The following CBX1 variants were observed in gnomAD, a reference collection of about 807,000 sequenced individuals.
CBX1 encodes the protein chromobox protein homolog 1.
In CBX1, 10 loss-of-function variants were observed where a neutral mutation model predicts 25.1. That is an observed-to-expected ratio of 0.40 (90% CI 0.25 to 0.68). The LOEUF is 0.68. Among genes scored for constraint, CBX1 ranks in the 30% least tolerant of loss-of-function variants. The probability of loss-of-function intolerance (pLI) is 0.40; values close to 1 mark genes in which losing one functional copy is unlikely to be tolerated. For synonymous variants in CBX1, 63 were observed against 79.4 expected, an observed-to-expected ratio of 0.79 and a Z score of 1.10; for missense variants, 106 against 218.5, an observed-to-expected ratio of 0.49 and a Z score of 3.25.
Position 48,077,109 on chromosome 17 carries a change from G to A in CBX1, c.-37-68C>T, listed in dbSNP as rs2037681800. 4.7e-6 allele frequency: 6 copies of A among 1,279,022 alleles called. No individual in the cohort carries two copies. In the South Asian group the frequency reaches 8.7e-5, roughly 19 times the overall value. The allele number at this position is 1,279,022 out of a possible 1,614,324, so 79.2% of individuals were successfully genotyped here. ...TTATTGGTTAGATAATATCTGGATG[G>A]TAAGAAAACCAGGGACATGACAGGT... is the stretch of plus-strand genomic sequence containing the variant. On this transcript the variant is annotated intron_variant, in intron 1 of 4. Transcript: ENST00000225603.
At chr17:48,075,355 A>G (rs35202025) in intron 3 of CBX1, among the ~76,000 whole-genome samples, 41,169 of 151,672 alleles carry the variant, frequency 0.27, 6,253 homozygotes, top group African/African-American at 0.42. Context: ...CCACCACGTC[A>G]GCTAATTTTT....
chr17:48,072,890 G>A (rs898764866), intron 4 of CBX1, among the ~76,000 whole-genome samples: 3 of 152,120 alleles, frequency 2.0e-5, no homozygotes, highest in African/African-American at 7.2e-5. Context: ...CAGCACTTTG[G>A]GAGGCCAAGG....
chr17:48,092,163 T>C (rs1197283647), intron 1 of CBX1, among the ~76,000 whole-genome samples: 1 of 150,552 alleles, frequency 6.6e-6, no homozygotes, highest in East Asian at 2.0e-4. Flanking sequence ...GCTACTTTTG[T>C]ATTTTTAGTA....
In CBX1 at chr17:48,088,393, G is replaced by A. The variant is rs557173912; in HGVS notation, c.-37-11352C>T. 3.3e-5 allele frequency: 5 copies of A among 151,880 alleles called. No homozygotes were observed. The East Asian group carries it at 5.8e-4, about 18-fold the overall frequency. The allele number at this position is 151,880 out of a possible 1,614,324, so 9.4% of individuals were successfully genotyped here. ...CCCAGCACTTTGGGAGGTCGAGGTG[G>A]GTGGATCACGAGGTCAGGAGTTCGA... is the stretch of plus-strand genomic sequence containing the variant. On this transcript the variant is annotated intron_variant, in intron 1 of 4. Coordinates refer to ENST00000225603, the MANE Select transcript of CBX1 (RefSeq NM_001127228.2).
chr17:48,099,662 A>G (rs1425791671), intron 1 of CBX1, among the ~76,000 whole-genome samples: 2 of 152,220 alleles, frequency 1.3e-5, no homozygotes, highest in East Asian at 3.9e-4. Flanking sequence ...ACCTTTCACA[A>G]TCTTTCCAAA....
chr17:48,096,313 C>T, intron 1 of CBX1: 1 of 983,062 alleles, frequency 1.0e-6, no homozygotes, highest in Non-Finnish European at 1.2e-6. Flanking sequence ...AGTATGTTGA[C>T]ATGGATATTT....
intron 1 of CBX1, among the ~76,000 whole-genome samples, chr17:48,093,991 G>GT (rs993282146): frequency 2.6e-5 from 4 of 151,822 alleles, no homozygotes; most frequent in African/African-American, 4.8e-5. Flanking sequence ...GCGCATGCCT[G>GT]TAATCCCAGC....
At chr17:48,083,211 T>C (rs770199295) in intron 1 of CBX1, among the ~76,000 whole-genome samples, 3 of 149,998 alleles carry the variant, frequency 2.0e-5, no homozygotes, top group Non-Finnish European at 2.9e-5. Flanking sequence ...GGTTTCACTA[T>C]GTCACCCAGG....
chr17:48,082,887 A>AC (rs2037753039), intron 1 of CBX1, among the ~76,000 whole-genome samples: 3 of 115,762 alleles, frequency 2.6e-5, no homozygotes, highest in African/African-American at 1.1e-4. Flanking sequence ...TTTTTTTGAG[A>AC]CGGAATTTCG....
At position 48,083,536 on chromosome 17, in the gene CBX1, T is replaced by C. The variant is rs1370293223; in HGVS notation, c.-37-6495A>G. Among the ~76,000 whole-genome samples, 5 of 150,620 alleles carry C rather than the reference T, an allele frequency of 3.3e-5. 1 individual carries two copies. The highest frequency in any genetic ancestry group is 7.5e-5 in the African/African-American group (3 of 39,964). ...TCTTGTCTCTTTAAAAATCTTCTTA[T>C]TGGCCAGGTGGCGTGGTGGCTCACG... On this transcript the variant is annotated intron_variant, in intron 1 of 4. Coordinates refer to ENST00000225603, the MANE Select transcript of CBX1 (RefSeq NM_001127228.2).
chr17:48,093,115 A>G (rs1049152528), intron 1 of CBX1, among the ~76,000 whole-genome samples: 1 of 149,638 alleles, frequency 6.7e-6, no homozygotes, highest in Non-Finnish European at 1.5e-5. Context: ...GAAAGAAACA[A>G]ATTAGTTGGG....
intron 1 of CBX1, among the ~76,000 whole-genome samples, chr17:48,094,136 A>AAAAG (rs2063359717): frequency 1.4e-5 from 2 of 146,664 alleles, no homozygotes; most frequent in African/African-American, 2.5e-5. Context: ...AAAAAAAAAA[A>AAAAG]AAGAAGTGTG....
chr17:48,073,805 C>T (rs772070744), intron 4 of CBX1, among the ~76,000 whole-genome samples: 16 of 103,574 alleles, frequency 1.5e-4, no homozygotes, highest in Admixed American at 5.0e-4. Context: ...CCAGCCTGGG[C>T]GAAAGAGTGA....
At chr17:48,093,183 G>A (rs1301561168) in intron 1 of CBX1, among the ~76,000 whole-genome samples, 1 of 151,520 alleles carries the variant, frequency 6.6e-6, no homozygotes, top group African/African-American at 2.4e-5. Flanking sequence ...CTAAAGCAGG[G>A]AGAACTGCTT....
intron 4 of CBX1, among the ~76,000 whole-genome samples, chr17:48,072,242 A>G (rs562277640): frequency 2.6e-5 from 4 of 151,960 alleles, no homozygotes; most frequent in African/African-American, 9.7e-5. Flanking sequence ...AACTCCTGAC[A>G]TCAGGTGATC....
At chr17:48,075,717 A>C (rs1339454478) in intron 3 of CBX1, among the ~76,000 whole-genome samples, 1 of 152,190 alleles carries the variant, frequency 6.6e-6, no homozygotes, top group Non-Finnish European at 1.5e-5. Context: ...GCCACCTCAC[A>C]CCTTTAATGA....
At chr17:48,075,852 C>T in intron 3 of CBX1, 149 bp downstream of exon 3, 2 of 569,792 alleles carry the variant, frequency 3.5e-6, no homozygotes, top group Non-Finnish European at 6.1e-6. Flanking sequence ...GGCTTCATGA[C>T]AGTACACTCT....
chr17:48,078,321 T>C (rs1385611997), intron 1 of CBX1, among the ~76,000 whole-genome samples: 1 of 151,846 alleles, frequency 6.6e-6, no homozygotes, highest in African/African-American at 2.4e-5. Context: ...GCCTCCTGAG[T>C]AGCTGTGACT....
At chr17:48,086,053 A>G (rs1205089093) in intron 1 of CBX1, among the ~76,000 whole-genome samples, 1 of 152,234 alleles carries the variant, frequency 6.6e-6, no homozygotes, top group Non-Finnish European at 1.5e-5. Context: ...CCTGGGTGAC[A>G]CAGCGAGACT....
Sources: allele counts gnomAD v4.1 joint callset (sites outside exome capture counted in the v4.1 genomes callset), GRCh38; gene constraint gnomAD v4.1.1; transcripts MANE v1.5; gene names NCBI Gene and HGNC (gene_info 2026-07-23, HGNC 2026-07-21).